The following KALRN variants were observed in gnomAD, a reference collection of about 807,000 sequenced individuals.
The protein encoded by KALRN is kalirin.
A neutral mutation model predicts 353.7 loss-of-function variants in KALRN; 70 were observed. The observed-to-expected ratio is 0.20, with a 90% CI of 0.16 to 0.24. The LOEUF (loss-of-function observed/expected upper bound fraction) is 0.24. Among genes scored for constraint, KALRN ranks in the 10% least tolerant of loss-of-function variants. The pLI, the probability that KALRN is intolerant of heterozygous loss-of-function variation, is 1.00. For missense variants in KALRN, 2,791 were observed against 3,756.7 expected (o/e 0.74, Z 6.72); for synonymous variants, 1,391 against 1,434.8 (o/e 0.97, Z 0.69).
chr3:124,707,438 CTT>C (rs2062685409), intron 57 of KALRN, among the ~76,000 whole-genome samples: 30 of 150,756 alleles, frequency 2.0e-4, no homozygotes, highest in Admixed American at 2.0e-3. Context: ...TCCTTCCTTC[CTT>C]CCTTCCCTCC....
At chr3:124,406,849 T>TTTA (rs2091603971) in intron 13 of KALRN, among the ~76,000 whole-genome samples, 1 of 150,506 alleles carries the variant, frequency 6.6e-6, no homozygotes. Flanking sequence ...TTTTTTTTTT[T>TTTA]GAGACAGGGT....
intron 51 of KALRN, among the ~76,000 whole-genome samples, chr3:124,688,965 G>C (rs2061684733): frequency 6.6e-6 from 1 of 152,216 alleles, no homozygotes; most frequent in South Asian, 2.1e-4. Flanking sequence ...CTAAGTTGCT[G>C]ATGGATCACA....
At chr3:124,183,209 A>T (rs1469310475) in intron 1 of KALRN, among the ~76,000 whole-genome samples, 1 of 152,158 alleles carries the variant, frequency 6.6e-6, no homozygotes, top group Non-Finnish European at 1.5e-5. Context: ...GCTATAATTT[A>T]ATTAATTACT....
rs1210187523 is a variant in KALRN at position 124,044,587 on chromosome 3, C to T, written c.73+10774C>T. ...CAAGGTCGCACCACCACATTCCAGG[C>T]TGGGCAACAGAGTGAGACTCTGTCT... is the stretch of plus-strand genomic sequence containing the variant. On this transcript the variant is annotated intron_variant, in intron 1 of 59. Transcript: ENST00000682506. Among the ~76,000 whole-genome samples the T allele has an allele frequency of 2.1e-5, 3 of 141,222 alleles. No individual in the cohort carries two copies. The Admixed American group carries it at 2.2e-4, about 10-fold the overall frequency. 92.6% of individuals were successfully genotyped at this position (141,222 alleles called of 152,430 possible). A position where few individuals can be genotyped will look rare whatever the true frequency, so the allele number is the denominator to read the frequency against.
intron 2 of KALRN, among the ~76,000 whole-genome samples, chr3:124,228,624 C>T (rs568842988): frequency 6.6e-6 from 1 of 152,232 alleles, no homozygotes; most frequent in African/African-American, 2.4e-5. Context: ...GCTGGTGGGC[C>T]ATCCACCAGT....
intron 26 of KALRN, 53 bp downstream of exon 26, chr3:124,474,785 C>G (rs1442458325): frequency 2.2e-6 from 3 of 1,363,050 alleles, no homozygotes; most frequent in Non-Finnish European, 2.1e-6. Context: ...CACCACTCTT[C>G]AGTGCCTGAC....
chr3:124,415,603 T>C (rs1055089062), intron 14 of KALRN, among the ~76,000 whole-genome samples: 1 of 152,218 alleles, frequency 6.6e-6, no homozygotes, highest in Admixed American at 6.5e-5. Context: ...GCAATGTTGC[T>C]TCAATAGTCT....
At chr3:124,280,430 C>T (rs866636873) in intron 5 of KALRN, among the ~76,000 whole-genome samples, 12 of 152,324 alleles carry the variant, frequency 7.9e-5, no homozygotes, top group Middle Eastern at 3.4e-3. Context: ...AACTTGGGGA[C>T]AGTGCTTGGG....
intron 34 of KALRN, among the ~76,000 whole-genome samples, chr3:124,592,286 A>C (rs920554233): frequency 1.4e-5 from 2 of 147,674 alleles, no homozygotes; most frequent in East Asian, 4.0e-4. Context: ...TGGGTGACAG[A>C]GCAAGACTCC....
rs147783020 is a variant in KALRN, at chr3:124,538,090, A to T, written c.4936-24753A>T. 2.9e-3 allele frequency among the ~76,000 whole-genome samples: 441 copies of T among 152,378 alleles called. 2 individuals are homozygous for T. Among genetic ancestry groups the T allele is most frequent in the Non-Finnish European group, 3.7e-3 (253 of 68,040 alleles). On this transcript the variant is annotated intron_variant, in intron 33 of 59. Coordinates refer to ENST00000682506, the MANE Select transcript of KALRN (RefSeq NM_001388419.1). ...AAAGTAAAATGTATTAGATTAAATA[A>T]CATTTTGGCTTTTGACAAGTGCAAG...
chr3:124,677,248 C>T (rs956001685), intron 49 of KALRN: 1 of 175,404 alleles, frequency 5.7e-6, no homozygotes, highest in Non-Finnish European at 1.2e-5. Flanking sequence ...CATTCAAGCT[C>T]TGTGACCTCA....
chr3:124,433,608 A>AG (rs2093359904), intron 16 of KALRN, among the ~76,000 whole-genome samples: 1 of 151,234 alleles, frequency 6.6e-6, no homozygotes, highest in Non-Finnish European at 1.5e-5. Flanking sequence ...AAAAAAAAAA[A>AG]AAAAAAAAGG....
At chr3:124,374,537 T>A (rs2086310770) in intron 10 of KALRN, 1 of 152,276 alleles carries the variant, frequency 6.6e-6, no homozygotes, top group African/African-American at 2.4e-5. Context: ...GAAGCAGAAG[T>A]GTGGCCAAAC....
At chr3:124,483,261 C>G (rs115461864) in intron 28 of KALRN, among the ~76,000 whole-genome samples, 195 of 152,242 alleles carry the variant, frequency 1.3e-3, no homozygotes, top group African/African-American at 4.6e-3. Flanking sequence ...AATCAAGAGG[C>G]AGAGTCTTGC....
At chr3:124,303,148 T>A (rs917493020) in intron 6 of KALRN, among the ~76,000 whole-genome samples, 6 of 152,202 alleles carry the variant, frequency 3.9e-5, no homozygotes, top group African/African-American at 7.2e-5. Context: ...ATTATTAACA[T>A]ACCAAGAGTG....
chr3:124,186,743 T>G (rs1229883374), intron 1 of KALRN, among the ~76,000 whole-genome samples: 1 of 152,194 alleles, frequency 6.6e-6, no homozygotes, highest in African/African-American at 2.4e-5. Flanking sequence ...AGGGAATCAT[T>G]CCTTTCAGTT....
intron 1 of KALRN, among the ~76,000 whole-genome samples, chr3:124,120,425 G>T (rs896543091): frequency 2.0e-5 from 3 of 152,090 alleles, no homozygotes; most frequent in African/African-American, 4.8e-5. Flanking sequence ...ACAGTGCTTT[G>T]GTCAGAGAGA....
chr3:124,401,164 C>T (rs1474552325), intron 13 of KALRN, among the ~76,000 whole-genome samples: 2 of 152,166 alleles, frequency 1.3e-5, no homozygotes, highest in Non-Finnish European at 2.9e-5. Context: ...AAATCACATG[C>T]ATTAAAATTG....
In KALRN at chr3:124,655,666, A is replaced by G. The variant is rs1249638976; in HGVS notation, c.5861A>G (p.Glu1954Gly). 1 of 1,613,280 alleles carries G rather than the reference A, an allele frequency of 6.2e-7. No individual in the cohort carries two copies. Among genetic ancestry groups the G allele is most frequent in the South Asian group, 1.1e-5 (1 of 91,066 alleles). ...DYVKDLGIVV[E>G]GFMKRIEEKG... ...GTCAAGGATCTGGGCATTGTGGTGG[A>G]GGTAAGTAGAGGGTTCCAGGTGGGT... is the stretch of plus-strand genomic sequence containing the variant. The change falls in exon 39 of 60, where the codon GAG becomes GGG. Residue 1954 changes from glutamate (E) to glycine (G), a missense_variant and splice_region_variant. Glu to Gly is a moderately conservative substitution (Grantham distance 98, BLOSUM62 -2). Coordinates refer to ENST00000682506, the MANE Select transcript of KALRN (RefSeq NM_001388419.1).
Sources: allele counts gnomAD v4.1 joint callset (sites outside exome capture counted in the v4.1 genomes callset), GRCh38; gene constraint gnomAD v4.1.1; transcripts MANE v1.5; gene names NCBI Gene and HGNC (gene_info 2026-07-23, HGNC 2026-07-21).